Variants in TPD52 observed in about 807,000 individuals in gnomAD.
The protein encoded by TPD52 is tumor protein D52.
In TPD52, 17 loss-of-function variants were observed where a neutral mutation model predicts 31.3. The observed-to-expected ratio is 0.54, with a 90% CI of 0.37 to 0.82. The LOEUF (loss-of-function observed/expected upper bound fraction) is 0.82, where lower values mean the gene tolerates loss of function less well. TPD52 is among the 40% of genes least tolerant of loss of function. The pLI is 0.00. For missense variants in TPD52, 212 were observed against 240.1 expected (o/e 0.88, Z 0.77); for synonymous variants, 83 against 89.6 (o/e 0.93, Z 0.42).
chr8:80,062,997 A>G (rs1432958863), intron 2 of TPD52, among the ~76,000 whole-genome samples: 1 of 152,146 alleles, frequency 6.6e-6, no homozygotes, highest in East Asian at 1.9e-4. Context: ...AAAAAATTTT[A>G]AAACATTAAA....
chr8:80,101,669 G>A (rs1164615847), intron 1 of TPD52, among the ~76,000 whole-genome samples: 7 of 152,200 alleles, frequency 4.6e-5, no homozygotes, highest in African/African-American at 1.7e-4. Context: ...GAAGGCAGGC[G>A]CATCACATGG....
intron 1 of TPD52, among the ~76,000 whole-genome samples, chr8:80,074,183 T>C (rs1814250013): frequency 6.6e-6 from 1 of 152,220 alleles, no homozygotes; most frequent in South Asian, 2.1e-4. Flanking sequence ...GGAGTCGCGG[T>C]AAGAAACTTC....
chr8:80,066,266 T>A (rs1016519515), intron 1 of TPD52, among the ~76,000 whole-genome samples: 1 of 152,214 alleles, frequency 6.6e-6, no homozygotes, highest in Non-Finnish European at 1.5e-5. Flanking sequence ...CAGGCTCTAC[T>A]GTACACTCAC....
chr8:80,091,823 G>T (rs1816296997), intron 1 of TPD52, among the ~76,000 whole-genome samples: 1 of 152,186 alleles, frequency 6.6e-6, no homozygotes, highest in African/African-American at 2.4e-5. Flanking sequence ...TGGAGCCCAA[G>T]ACTCTTGCTT....
chr8:80,041,133 C>T lies in TPD52; in HGVS notation c.504+1487G>A, dbSNP rs951659364. Among the ~76,000 whole-genome samples the T allele has an allele frequency of 7.9e-5, 12 of 152,038 alleles. No individual in the cohort carries two copies. In the East Asian group the frequency reaches 1.2e-3, roughly 15 times the overall value. ...ACGATCCAAACATCACACACCAAGG[C>T]GCCTGTCAGGGGGTGGGATGGTAGG... is the stretch of plus-strand genomic sequence containing the variant. On this transcript the variant is annotated intron_variant, in intron 7 of 7. Transcript: ENST00000518937.
At chr8:80,148,953 A>T (rs1022480282) in intron 1 of TPD52, among the ~76,000 whole-genome samples, 1 of 152,158 alleles carries the variant, frequency 6.6e-6, no homozygotes, top group African/African-American at 2.4e-5. Flanking sequence ...TCCTCCTTTA[A>T]CAAGGCCAAA....
chr8:80,072,676 CAT>C lies in TPD52; in HGVS notation c.20-8085_20-8084del, dbSNP rs200416438. ...AGATATGTGTGTATATACATGTACA[CAT>C]AGATATGTGTGTATATACACACATA... is the stretch of plus-strand genomic sequence containing the variant. On this transcript the variant is annotated intron_variant, in intron 1 of 7. Coordinates refer to ENST00000518937, the MANE Select transcript of TPD52 (RefSeq NM_001025253.3). Among the ~76,000 whole-genome samples the C allele has an allele frequency of 7.8e-5, 9 of 115,828 alleles. 4 individuals are homozygous for C. The highest frequency in any genetic ancestry group is 2.4e-4 in the South Asian group (1 of 4,198). 76.0% of individuals were successfully genotyped at this position (115,828 alleles called of 152,430 possible). A position where few individuals can be genotyped will look rare whatever the true frequency, so the allele number is the denominator to read the frequency against.
chr8:80,088,396 A>G (rs1214728572), intron 1 of TPD52, among the ~76,000 whole-genome samples: 6 of 152,336 alleles, frequency 3.9e-5, no homozygotes, highest in African/African-American at 2.4e-5. Context: ...CCTCAATAAC[A>G]CGAGGTTAGT....
intron 1 of TPD52, among the ~76,000 whole-genome samples, chr8:80,126,479 ATT>A (rs752947491): frequency 1.4e-4 from 18 of 126,426 alleles, no homozygotes; most frequent in South Asian, 5.0e-4. Flanking sequence ...AAAGTTTATA[ATT>A]TTTTTTTTTT....
In TPD52 at chr8:80,064,570, G is replaced by A. The variant is rs1333837243; in HGVS notation, c.43C>T (p.Pro15Ser). 1.2e-6 allele frequency: 2 copies of A among 1,613,958 alleles called. No homozygotes were observed. The highest frequency in any genetic ancestry group is 4.5e-5 in the East Asian group (2 of 44,880). ...GCAGCAACATCTTCTCCTTCCTCAG[G>A]GACTGGGTCTGTTCTCAGCAGACCT... Reference protein sequence around the residue: ...EQGLLRTDPVPEEGEDVAATI... With the variant: ...EQGLLRTDPVSEEGEDVAATI... The change falls in exon 2 of 8, where the codon CCT becomes TCT. Residue 15 changes from proline (P) to serine (S), a missense_variant. Coordinates refer to ENST00000518937, the MANE Select transcript of TPD52 (RefSeq NM_001025253.3).
At chr8:80,059,803 G>C (rs570996478) in intron 2 of TPD52, among the ~76,000 whole-genome samples, 1 of 152,030 alleles carries the variant, frequency 6.6e-6, no homozygotes, top group African/African-American at 2.4e-5. Flanking sequence ...GCAGTGAGAC[G>C]AGATCGCACC....
chr8:80,127,505 A>G (rs1461934190), intron 1 of TPD52: 1 of 152,174 alleles, frequency 6.6e-6, no homozygotes, highest in East Asian at 1.9e-4. Context: ...CAGCCTGGCT[A>G]TAGAGCTCTT....
chr8:80,050,384 A>G (rs1477360780), intron 5 of TPD52, 61 bp downstream of exon 5: 2 of 1,520,378 alleles, frequency 1.3e-6, no homozygotes, highest in Non-Finnish European at 8.9e-7. Context: ...TGGTAATCTA[A>G]TCTCAGCACA....
intron 1 of TPD52, among the ~76,000 whole-genome samples, chr8:80,101,651 G>C (rs1406292468): frequency 1.3e-5 from 2 of 152,136 alleles, no homozygotes; most frequent in Admixed American, 1.3e-4. Flanking sequence ...CATAGTGGAA[G>C]GTGAAGGGAA....
rs61266725 is a variant in TPD52, at chr8:80,094,430, T to TTATA, written c.20-29841_20-29838dup. Among the ~76,000 whole-genome samples the TTATA allele has an allele frequency of 5.4e-3, 289 of 53,512 alleles. 4 individuals are homozygous for TTATA. Among genetic ancestry groups the TTATA allele is most frequent in the Middle Eastern group, 0.012 (1 of 86 alleles). The allele number at this position is 53,512 out of a possible 152,430, so 35.1% of individuals were successfully genotyped here. On this transcript the variant is annotated intron_variant, in intron 1 of 7. Coordinates refer to ENST00000518937, the MANE Select transcript of TPD52 (RefSeq NM_001025253.3). ...ACTAAGTTCTAGACAAAAGAAAATTTTATATATATATATATATATATATAT... is the reference window on the plus strand; with the variant it reads ...ACTAAGTTCTAGACAAAAGAAAATTTTATATATATATATATATATATATATATAT...
intron 1 of TPD52, among the ~76,000 whole-genome samples, chr8:80,081,257 A>G (rs1815256119): frequency 6.7e-6 from 1 of 148,558 alleles, no homozygotes; most frequent in South Asian, 2.1e-4. Context: ...GTATTCCCAC[A>G]CCTTCTTTGT....
At chr8:80,154,376 G>A (rs1421601430) in intron 1 of TPD52, among the ~76,000 whole-genome samples, 3 of 152,178 alleles carry the variant, frequency 2.0e-5, no homozygotes, top group Non-Finnish European at 2.9e-5. Flanking sequence ...CTCCCTGGTG[G>A]CCAATGTGCG....
At chr8:80,048,221 C>T (rs1811059374) in intron 5 of TPD52, among the ~76,000 whole-genome samples, 1 of 152,176 alleles carries the variant, frequency 6.6e-6, no homozygotes. Flanking sequence ...TCTCTCTCTT[C>T]TCTATTTCCT....
chr8:80,129,945 G>A (rs1330649602), intron 1 of TPD52, among the ~76,000 whole-genome samples: 2 of 152,132 alleles, frequency 1.3e-5, no homozygotes, highest in Admixed American at 6.5e-5. Context: ...TGATCCACTG[G>A]CCTTGGCCTC....
Sources: allele counts gnomAD v4.1 joint callset (sites outside exome capture counted in the v4.1 genomes callset), GRCh38; gene constraint gnomAD v4.1.1; transcripts MANE v1.5; gene names NCBI Gene and HGNC (gene_info 2026-07-23, HGNC 2026-07-21).